Variants in ADGRV1 observed in about 807,000 individuals in gnomAD.
The protein encoded by ADGRV1 is G-protein coupled receptor 98.
ADGRV1 carries 359 observed loss-of-function variants against 596.2 expected under a neutral mutation model. The ratio of observed to expected loss-of-function variants is 0.60; its 90% confidence interval spans 0.55 to 0.66. The LOEUF (loss-of-function observed/expected upper bound fraction) is 0.66. ADGRV1 is among the 30% of genes least tolerant of loss of function. The pLI, the probability that ADGRV1 is intolerant of heterozygous loss-of-function variation, is 0.00. For synonymous variants in ADGRV1, 2,681 were observed against 2,679.2 expected (o/e 1.00, Z -0.02); for missense variants, 7,274 against 7,575.6 (o/e 0.96, Z 1.48).
chr5:90,567,319 G>C (rs1417270713), intron 1 of ADGRV1, among the ~76,000 whole-genome samples: 1 of 151,632 alleles, frequency 6.6e-6, no homozygotes, highest in Non-Finnish European at 1.5e-5. Context: ...GGGTAATACT[G>C]GCCTTATAAA....
chr5:90,862,504 C>A (rs1479153382), intron 82 of ADGRV1, among the ~76,000 whole-genome samples: 1 of 152,108 alleles, frequency 6.6e-6, no homozygotes, highest in East Asian at 1.9e-4. Context: ...TTCTGAGCAT[C>A]AACTCCAGTA....
intron 89 of ADGRV1, among the ~76,000 whole-genome samples, chr5:91,158,013 G>A (rs375705030): frequency 1.4e-3 from 214 of 152,296 alleles, no homozygotes; most frequent in African/African-American, 4.2e-3. Context: ...TAGCCAAATC[G>A]TTAACCACCT....
intron 36 of ADGRV1, 144 bp from the exon 37 acceptor site, chr5:90,705,256 T>C (rs1159226681): frequency 3.2e-6 from 2 of 627,152 alleles, no homozygotes; most frequent in Admixed American, 2.9e-5. Flanking sequence ...AAAAATGGAA[T>C]GTGGCTTTTG....
intron 85 of ADGRV1, among the ~76,000 whole-genome samples, chr5:91,005,497 C>T (rs1042132357): frequency 6.6e-6 from 1 of 152,040 alleles, no homozygotes; most frequent in Non-Finnish European, 1.5e-5. Flanking sequence ...CCACCATGCC[C>T]GGCTAATTTC....
At chr5:90,814,810 G>A (rs112131746) in intron 74 of ADGRV1, among the ~76,000 whole-genome samples, 14 of 152,168 alleles carry the variant, frequency 9.2e-5, no homozygotes, top group African/African-American at 3.4e-4. Flanking sequence ...GGTTTTCGAG[G>A]CCAATTGCTT....
rs190003729 is a variant in ADGRV1 at position 90,676,338 on chromosome 5, T to C, written c.5443+129T>C. 1.2e-3 allele frequency: 947 copies of C among 796,982 alleles called. 1 individual carries two copies. Among genetic ancestry groups the C allele is most frequent in the Non-Finnish European group, 1.6e-3 (870 of 527,706 alleles). 49.4% of individuals were successfully genotyped at this position (796,982 alleles called of 1,614,324 possible). ...AATAAATGAATAAATTATTAGTTTT[T>C]GAAGAGAGCAGCCTGAAAGTTAATA... On this transcript the variant is annotated intron_variant, in intron 25 of 89. Transcript: ENST00000405460.
chr5:90,725,120 C>G lies in ADGRV1; in HGVS notation c.9941C>G (p.Ala3314Gly), dbSNP rs760542937. 6.5e-7 allele frequency: 1 copy of G among 1,536,440 alleles called. No individual in the cohort carries two copies. Among genetic ancestry groups the G allele is most frequent in the Admixed American group, 2.1e-5 (1 of 48,776 alleles). ...LNIENPKTCEAFNIGFSPYFV... is the reference protein window; with the variant it reads ...LNIENPKTCEGFNIGFSPYFV... Reference sequence around the variant, plus strand: ...ATAGAAAATCCTAAAACTTGTGAGGCCTTTAATATTGGTTTTTCTCCCTAC... The same window carrying G: ...ATAGAAAATCCTAAAACTTGTGAGGGCTTTAATATTGGTTTTTCTCCCTAC... Residue 3314 changes from alanine to glycine, a missense_variant, in exon 47 of 90, where the codon GCC (alanine) becomes GGC (glycine). Ala to Gly is a moderately conservative substitution (Grantham distance 60, BLOSUM62 0). Transcript: ENST00000405460.
chr5:90,666,038 G>A (rs1289950364), intron 21 of ADGRV1, among the ~76,000 whole-genome samples: 6 of 151,684 alleles, frequency 4.0e-5, no homozygotes, highest in Non-Finnish European at 7.4e-5. Context: ...TTCCAAGTAC[G>A]TGGTCAATTT....
intron 84 of ADGRV1, among the ~76,000 whole-genome samples, chr5:90,976,322 G>GTGTGTGTA (rs1420288881): frequency 1.3e-3 from 144 of 108,616 alleles, no homozygotes; most frequent in Middle Eastern, 5.0e-3. Flanking sequence ...GTGTGTGTGT[G>GTGTGTGTA]TATATATATA....
At chr5:90,642,034 CA>C (rs1767032004) in intron 11 of ADGRV1, among the ~76,000 whole-genome samples, 1 of 151,774 alleles carries the variant, frequency 6.6e-6, no homozygotes, top group Non-Finnish European at 1.5e-5. Context: ...TACTAAAAGA[CA>C]AAAAAGCACA....
intron 55 of ADGRV1, 119 bp from the exon 56 acceptor site, chr5:90,756,335 G>A: frequency 1.6e-6 from 1 of 633,536 alleles, no homozygotes; most frequent in Admixed American, 2.7e-5. Flanking sequence ...ATGTTTGACA[G>A]AGCTGCCCAT....
chr5:90,912,378 A>G (rs1772964976), intron 83 of ADGRV1, among the ~76,000 whole-genome samples: 1 of 152,154 alleles, frequency 6.6e-6, no homozygotes, highest in African/African-American at 2.4e-5. Context: ...TTCTTAAAAA[A>G]TAATTTCAAC....
At chr5:91,065,430 A>G (rs1046916253) in intron 85 of ADGRV1, among the ~76,000 whole-genome samples, 3 of 152,244 alleles carry the variant, frequency 2.0e-5, no homozygotes, top group Non-Finnish European at 4.4e-5. Flanking sequence ...CTGGCTGTCC[A>G]GCTGCCTGGA....
chr5:90,993,000 C>A (rs1781095013), intron 85 of ADGRV1, among the ~76,000 whole-genome samples: 1 of 151,796 alleles, frequency 6.6e-6, no homozygotes, highest in Non-Finnish European at 1.5e-5. Flanking sequence ...AATGATAAAA[C>A]CCTTTAAACT....
chr5:90,648,452 A>G (rs1234387309), intron 17 of ADGRV1, among the ~76,000 whole-genome samples: 1 of 152,114 alleles, frequency 6.6e-6, no homozygotes, highest in Non-Finnish European at 1.5e-5. Context: ...ATGATGTCCT[A>G]TCACCCTAAA....
intron 86 of ADGRV1, among the ~76,000 whole-genome samples, chr5:91,081,054 C>T (rs573477728): frequency 2.1e-4 from 32 of 152,188 alleles, no homozygotes; most frequent in African/African-American, 7.5e-4. Context: ...ATTTATTTGT[C>T]ACAGTTCCAG....
In ADGRV1 at chr5:90,745,594, A is replaced by G. The variant is rs755523400; in HGVS notation, c.10773A>G (p.Ser3591=). ...TTGTATATGCTTCTTATGGTAGTTC[A>G]GGTGAACTGATATTTGAACCTGGTG... ...ISSHSDFIPS[S]GELIFEPGER... Residue 3591 remains serine, a synonymous_variant, in exon 52 of 90, where the codon TCA becomes TCG. Coordinates refer to ENST00000405460, the MANE Select transcript of ADGRV1 (RefSeq NM_032119.4). 1 of 1,604,656 alleles carries G rather than the reference A, an allele frequency of 6.2e-7. No homozygotes were observed. Among genetic ancestry groups the G allele is most frequent in the South Asian group, 1.1e-5 (1 of 90,472 alleles).
chr5:90,899,507 T>G (rs1284391014), intron 83 of ADGRV1, among the ~76,000 whole-genome samples: 1 of 152,194 alleles, frequency 6.6e-6, no homozygotes. Flanking sequence ...CTTGTTAGTC[T>G]GCCTCTTCCT....
At chr5:90,666,610 A>G (rs551844707) in intron 21 of ADGRV1, among the ~76,000 whole-genome samples, 2 of 125,898 alleles carry the variant, frequency 1.6e-5, no homozygotes, top group Non-Finnish European at 3.3e-5. Context: ...GTCCATTTAC[A>G]TTTAAAGTTA....
Sources: gnomAD v4.1 joint callset for allele counts (sites outside exome capture counted in the v4.1 genomes callset) on GRCh38, gnomAD v4.1.1 for gene constraint, MANE v1.5 for transcripts, NCBI Gene and HGNC (gene_info 2026-07-23, HGNC 2026-07-21) for gene names.